FAM117A: variants seen among roughly 807,000 people sequenced by gnomAD.
FAM117A encodes the protein protein FAM117A.
FAM117A carries 21 observed loss-of-function variants against 44.1 expected under a neutral mutation model. That is an observed-to-expected ratio of 0.48 (90% CI 0.34 to 0.69). The LOEUF is 0.69. Among genes scored for constraint, FAM117A ranks in the 30% least tolerant of loss-of-function variants. The pLI is 0.01. For synonymous variants in FAM117A, 220 were observed against 238.3 expected (o/e 0.92, Z 0.71); for missense variants, 498 against 589.9 (o/e 0.84, Z 1.61).
chr17:49,722,734 GTTC>G (rs1400574791), intron 2 of FAM117A, 140 bp from the exon 3 acceptor site: 1 of 654,382 alleles, frequency 1.5e-6, no homozygotes, highest in Non-Finnish European at 2.7e-6. Context: ...CCCAGTCGGT[GTTC>G]TTCTTCAGGC....
chr17:49,724,158 T>G (rs1356857728), intron 2 of FAM117A, among the ~76,000 whole-genome samples: 1 of 151,880 alleles, frequency 6.6e-6, no homozygotes, highest in Non-Finnish European at 1.5e-5. Flanking sequence ...CACTGAAAAG[T>G]GAGGAGGAAG....
chr17:49,775,604 C>T (rs1206590465), intron 1 of FAM117A, among the ~76,000 whole-genome samples: 1 of 152,144 alleles, frequency 6.6e-6, no homozygotes, highest in African/African-American at 2.4e-5. Context: ...TTCTGGAAGC[C>T]CCTGATGGTT....
chr17:49,778,697 TAGTTATTGAATGCCTA>T (rs1242065687), intron 1 of FAM117A, among the ~76,000 whole-genome samples: 1 of 152,214 alleles, frequency 6.6e-6, no homozygotes, highest in Non-Finnish European at 1.5e-5. Context: ...ATACATCCAA[TAGTTATTGAATGCCTA>T]CTAAGTGCCA....
intron 1 of FAM117A, among the ~76,000 whole-genome samples, chr17:49,751,451 G>C (rs1317561557): frequency 6.6e-6 from 1 of 151,898 alleles, no homozygotes; most frequent in Non-Finnish European, 1.5e-5. Flanking sequence ...ATGGTGGCAT[G>C]CGCCTGTGGT....
intron 1 of FAM117A, among the ~76,000 whole-genome samples, chr17:49,770,073 C>T (rs902765069): frequency 2.6e-5 from 4 of 151,942 alleles, no homozygotes; most frequent in African/African-American, 9.7e-5. Context: ...AGTTCGAGAC[C>T]AGCCTGGCCA....
chr17:49,764,480 A>C (rs932044816), upstream of FAM117A, among the ~76,000 whole-genome samples: 6 of 151,976 alleles, frequency 3.9e-5, no homozygotes, highest in African/African-American at 1.5e-4. Context: ...CGTCAGGCTG[A>C]GCTGGAGAGT....
At position 49,711,567 on chromosome 17, in the gene FAM117A, A is replaced by G. The variant is rs372442154; in HGVS notation, c.1062-12T>C. 5.0e-6 allele frequency: 8 copies of G among 1,612,924 alleles called. No homozygotes were observed. The highest frequency in any genetic ancestry group is 1.3e-5 in the African/African-American group (1 of 74,914). On this transcript the variant is annotated splice_polypyrimidine_tract_variant and intron_variant, in intron 7 of 7. Transcript: ENST00000240364. The stretch of plus-strand genomic sequence containing the variant: ...CAGGACCTGGAGACCTGGAGGATGA[A>G]GAGAGACACACAAGACACATACGTA...
At chr17:49,722,913 T>C (rs1891618120) in intron 2 of FAM117A, among the ~76,000 whole-genome samples, 1 of 152,164 alleles carries the variant, frequency 6.6e-6, no homozygotes, top group Admixed American at 6.5e-5. Context: ...TTGCCACTCC[T>C]ATCCCAACCA....
At chr17:49,780,101 T>A (rs1296970012) in intron 1 of FAM117A, among the ~76,000 whole-genome samples, 1 of 152,186 alleles carries the variant, frequency 6.6e-6, no homozygotes, top group Non-Finnish European at 1.5e-5. Flanking sequence ...TAGTTGTGGC[T>A]TATACCCCTC....
rs572704577 is a variant in FAM117A at position 49,775,934 on chromosome 17, C to G, written c.-621+12563G>C. Among the ~76,000 whole-genome samples, 6 of 152,228 alleles carry G rather than the reference C, an allele frequency of 3.9e-5. No homozygotes were observed. In the South Asian group the frequency reaches 8.3e-4, roughly 21 times the overall value. On this transcript the variant is annotated intron_variant, in intron 1 of 7. Transcript: ENST00000513602. The stretch of plus-strand genomic sequence containing the variant: ...CCTGTCAATTTCTTGGCCCTGTACA[C>G]CCAATTCTGAATTCTTCTCCTGATG...
Position 49,711,364 on chromosome 17 carries a change from G to A in FAM117A, c.1253C>T (p.Pro418Leu), listed in dbSNP as rs201646732. Residue 418 changes from proline (P) to leucine (L), a missense_variant, in exon 8 of 8, where the codon CCT (proline) becomes CTT (leucine). Physicochemically the swap from Pro to Leu is moderately conservative, Grantham distance 98. Transcript: ENST00000240364. The part of the protein sequence containing the change: ...PLPPASPRPP[P>L]RKDPEASKAS... ...CTTGGAGGCTTCCGGATCCTTCCGAGGTGGTGGCCTGGGGCTGGCCGGGGG... is the reference window on the plus strand; with the variant it reads ...CTTGGAGGCTTCCGGATCCTTCCGAAGTGGTGGCCTGGGGCTGGCCGGGGG... The A allele has an allele frequency of 3.7e-6, 6 of 1,611,094 alleles. No individual in the cohort carries two copies. Among genetic ancestry groups the A allele is most frequent in the Middle Eastern group, 1.7e-4 (1 of 6,042 alleles).
In FAM117A at chr17:49,763,935, C is replaced by G. The variant is rs1425259767; in HGVS notation, c.153G>C (p.Gln51His). Residue 51 changes from glutamine (Q) to histidine (H), a missense_variant, in exon 1 of 8, where the codon CAG (glutamine) becomes CAC (histidine). Transcript: ENST00000240364. ...LQPLRATIPF[Q>H]LQQPHQRRDG... ...CCCGGCGCTGGTGCGGCTGCTGCAG[C>G]TGGAAGGGGATCGTGGCCCTGAGCG... 1 of 1,237,622 alleles carries G rather than the reference C, an allele frequency of 8.1e-7. No individual in the cohort carries two copies. Among genetic ancestry groups the G allele is most frequent in the African/African-American group, 1.6e-5 (1 of 64,086 alleles). 76.7% of individuals were successfully genotyped at this position (1,237,622 alleles called of 1,614,324 possible).
At chr17:49,764,447 T>C (rs2073738246), upstream of FAM117A, among the ~76,000 whole-genome samples, 1 of 149,042 alleles carries the variant, frequency 6.7e-6, no homozygotes, top group Admixed American at 6.8e-5. Flanking sequence ...TCCCAGGTAG[T>C]ATGCAAATAT....
At chr17:49,788,198 T>A (rs1184349626) in intron 1 of FAM117A, among the ~76,000 whole-genome samples, 1 of 152,126 alleles carries the variant, frequency 6.6e-6, no homozygotes, top group Admixed American at 6.5e-5. Context: ...CTTTTTCAAT[T>A]CCCCATTCCC....
chr17:49,751,827 C>T (rs914687129), intron 1 of FAM117A, among the ~76,000 whole-genome samples: 1 of 150,680 alleles, frequency 6.6e-6, no homozygotes, highest in Non-Finnish European at 1.5e-5. Flanking sequence ...GTCTGTAATC[C>T]CAGCTACTCA....
At chr17:49,766,420 C>T (rs2143791867), upstream of FAM117A, among the ~76,000 whole-genome samples, 1 of 152,338 alleles carries the variant, frequency 6.6e-6, no homozygotes, top group Non-Finnish European at 1.5e-5. Context: ...CCTCATTCTT[C>T]AGGAGGTTAA....
At chr17:49,725,147 G>A (rs1023122907) in intron 2 of FAM117A, among the ~76,000 whole-genome samples, 5 of 152,144 alleles carry the variant, frequency 3.3e-5, no homozygotes, top group Non-Finnish European at 7.3e-5. Flanking sequence ...CAACCTCCAA[G>A]CCTGGTCTCC....
At chr17:49,788,691 C>G (rs534152461), upstream of FAM117A, 2 of 886,606 alleles carry the variant, frequency 2.3e-6, no homozygotes, top group African/African-American at 1.8e-5. Context: ...GCAGAACGCT[C>G]CAGACGCTGA....
chr17:49,770,796 C>T (rs1448548636), intron 1 of FAM117A, among the ~76,000 whole-genome samples: 1 of 151,996 alleles, frequency 6.6e-6, no homozygotes, highest in East Asian at 1.9e-4. Context: ...CCCAACTCCT[C>T]GGAAGGCTGC....
Sources: allele counts gnomAD v4.1 joint callset (sites outside exome capture counted in the v4.1 genomes callset), GRCh38; gene constraint gnomAD v4.1.1; transcripts MANE v1.5; gene names NCBI Gene and HGNC (gene_info 2026-07-23, HGNC 2026-07-21).